CHRNB4: variants seen among roughly 807,000 people sequenced by gnomAD.
The protein encoded by CHRNB4 is neuronal acetylcholine receptor subunit beta-4.
Under a neutral mutation model 40.4 loss-of-function variants are expected in CHRNB4, and 23 were observed. The ratio of observed to expected loss-of-function variants is 0.57; its 90% CI spans 0.41 to 0.81. CHRNB4 has a LOEUF of 0.81. Ranked by LOEUF, CHRNB4 falls within the 30% of genes least tolerant of loss-of-function variation. The pLI, the probability that CHRNB4 is intolerant of heterozygous loss-of-function variation, is 0.00. For synonymous variants in CHRNB4, 285 were observed against 274.4 expected, an observed-to-expected ratio of 1.04 and a Z score of -0.38; for missense variants, 568 against 670.6, an observed-to-expected ratio of 0.85 and a Z score of 1.69.
At chr15:78,631,502 C>T (rs1205153628) in intron 2 of CHRNB4, among the ~76,000 whole-genome samples, 170 bp from the exon 3 acceptor site, 1 of 152,190 alleles carries the variant, frequency 6.6e-6, no homozygotes, top group African/African-American at 2.4e-5. Context: ...TGACACAAAG[C>T]TCATGATCTT....
intron 6 of CHRNB4, among the ~76,000 whole-genome samples, chr15:78,651,757 C>G (rs1842437669): frequency 6.6e-6 from 1 of 152,228 alleles, no homozygotes; most frequent in Non-Finnish European, 1.5e-5. Context: ...GCTCTCTGAG[C>G]CCTGGGAACA....
At chr15:78,648,309 C>CA (rs1461897626) in intron 7 of CHRNB4, among the ~76,000 whole-genome samples, 2 of 148,088 alleles carry the variant, frequency 1.4e-5, no homozygotes, top group African/African-American at 2.5e-5. Flanking sequence ...AGGAGAATGG[C>CA]ATGAACCTGA....
chr15:78,648,927 C>T (rs200277396), intron 7 of CHRNB4, among the ~76,000 whole-genome samples: 2 of 152,072 alleles, frequency 1.3e-5, no homozygotes, highest in East Asian at 3.9e-4. Context: ...CACAACCATG[C>T]CACCACACCT....
At position 78,635,514 on chromosome 15, in the gene CHRNB4, C is replaced by T; in HGVS notation, c.129G>A (p.Leu43=). 6.2e-7 allele frequency: 1 copy of T among 1,614,150 alleles called. No individual in the cohort carries two copies. Among genetic ancestry groups the T allele is most frequent in the Non-Finnish European group, 8.5e-7 (1 of 1,180,032 alleles). ...DLLNKTRYNN[L]IRPATSSSQL... ...GTGAGGAGCTGGTGGCTGGGCGGATCAGGTTATTGTAACGGGTTTTGTTCA... is the reference window on the plus strand; with the variant it reads ...GTGAGGAGCTGGTGGCTGGGCGGATTAGGTTATTGTAACGGGTTTTGTTCA... Residue 43 remains leucine, a synonymous_variant, in exon 2 of 6, where the codon CTG becomes CTA. Transcript: ENST00000261751.
At chr15:78,641,854 A>G (rs1355869155), upstream of CHRNB4, among the ~76,000 whole-genome samples, 1 of 152,206 alleles carries the variant, frequency 6.6e-6, no homozygotes, top group Non-Finnish European at 1.5e-5. Context: ...TGATTCAAGC[A>G]CATCCCTCTA....
chr15:78,648,177 A>C (rs1379980143), intron 7 of CHRNB4, among the ~76,000 whole-genome samples: 1 of 151,944 alleles, frequency 6.6e-6, no homozygotes, highest in East Asian at 1.9e-4. Context: ...GTGGATCACG[A>C]GGTCAGGAGA....
intron 5 of CHRNB4, among the ~76,000 whole-genome samples, chr15:78,654,432 G>A (rs997764334): frequency 4.6e-5 from 7 of 152,192 alleles, no homozygotes; most frequent in African/African-American, 1.4e-4. Flanking sequence ...AGTGTATCAG[G>A]TAAAGCCTGG....
rs1567108054 is a variant in CHRNB4 at position 78,626,369 on chromosome 15, TG to T, written c.1339-1079del. ...GTGTGTGTGTGTGTGTGTGTGTGTG[TG>T]TGTGTGTGTGTGTGTTTCCCCCTTT... On this transcript the variant is annotated intron_variant, in intron 5 of 5. Transcript: ENST00000261751. 2.2e-3 allele frequency: 318 copies of T among 146,132 alleles called. 3 individuals carry two copies. The highest frequency in any genetic ancestry group is 6.0e-3 in the East Asian group (31 of 5,174). The allele number at this position is 146,132 out of a possible 1,614,324, so 9.1% of individuals were successfully genotyped here. A position where few individuals can be genotyped will look rare whatever the true frequency, so the allele number is the denominator to read the frequency against.
At chr15:78,638,075 T>C (rs2141392863) in intron 1 of CHRNB4, among the ~76,000 whole-genome samples, 1 of 152,306 alleles carries the variant, frequency 6.6e-6, no homozygotes, top group Middle Eastern at 3.4e-3. Context: ...GAGGCAGCTC[T>C]GGGGTCAGAA....
Position 78,629,620 on chromosome 15 carries a change from T to C in CHRNB4, c.685A>G (p.Lys229Glu). ...ATGGTGTAGAACAGAGGCTTGCGCT[T>C]GATGATGAAGTCGTAAGTCACGTCC... ...YVDVTYDFIIKRKPLFYTINL... is the reference protein window; with the variant it reads ...YVDVTYDFIIERKPLFYTINL... The change falls in exon 5 of 6, where the codon AAG becomes GAG. Residue 229 changes from lysine (K) to glutamate (E), a missense_variant. Around this residue, in one of 4 missense-constraint regions of CHRNB4, gnomAD observed 127 missense variants for 167.4 expected, o/e 0.76. Transcript: ENST00000261751. This position sits in a 1 kb window ranked among gnomAD's most constrained non-coding sequence, Gnocchi z 6.8. 1 of 1,614,060 alleles carries C rather than the reference T, an allele frequency of 6.2e-7. No individual in the cohort carries two copies. The highest frequency in any genetic ancestry group is 1.6e-4 in the Middle Eastern group (1 of 6,062).
intron 2 of CHRNB4, among the ~76,000 whole-genome samples, chr15:78,657,536 A>T (rs1052724646): frequency 6.6e-6 from 1 of 152,068 alleles, no homozygotes; most frequent in Admixed American, 6.6e-5. Flanking sequence ...CTGTTCCCAT[A>T]ATGCTAGAGG....
chr15:78,629,459 G>A lies in CHRNB4; in HGVS notation c.846C>T (p.Ser282=). 6.2e-7 allele frequency: 1 copy of A among 1,614,162 alleles called. No homozygotes were observed. Among genetic ancestry groups the A allele is most frequent in the Non-Finnish European group, 8.5e-7 (1 of 1,180,028 alleles). The change falls in exon 5 of 6, where the codon TCC becomes TCT. Residue 282 remains serine, a synonymous_variant. Coordinates refer to ENST00000261751, the MANE Select transcript of CHRNB4 (RefSeq NM_000750.5). The surrounding 1 kb of genome is among the most constrained non-coding windows in gnomAD (Gnocchi z 6.8). ...LALTFFLLLI[S]KIVPPTSLDV... ...CGAGGGAGGTGGGTGGCACGATCTT[G>A]GAGATGAGCAGCAGGAAGAATGTCA...
At position 78,641,091 on chromosome 15, in the gene CHRNB4, G is replaced by T. The variant is rs1253565379; in HGVS notation, c.43C>A (p.Leu15Ile). 17 of 1,581,804 alleles carry T rather than the reference G, an allele frequency of 1.1e-5. No homozygotes were observed. Among genetic ancestry groups the T allele is most frequent in the Non-Finnish European group, 1.5e-5 (17 of 1,164,602 alleles). Residue 15 changes from leucine to isoleucine, a missense_variant, in exon 1 of 6, where the codon CTT becomes ATT. Physicochemically the swap from Leu to Ile is conservative, Grantham distance 5 (BLOSUM62 2). Transcript: ENST00000261751. ...GAAAAGAACTCACCGCGCCCGCAAAGGGCGACCAGGAAGAAAAGGACCAGG... is the reference window on the plus strand; with the variant it reads ...GAAAAGAACTCACCGCGCCCGCAAATGGCGACCAGGAAGAAAAGGACCAGG... The part of the protein sequence containing the change: ...PSLVLFFLVA[L>I]CGRGNCRVAN...
At chr15:78,646,073 A>AG (rs11437048), upstream of CHRNB4, among the ~76,000 whole-genome samples, 3 of 151,626 alleles carry the variant, frequency 2.0e-5, no homozygotes, top group East Asian at 5.8e-4. Flanking sequence ...AAAAAAAAAA[A>AG]TGAATGACAT....
Position 78,632,261 on chromosome 15 carries a change from T to C in CHRNB4, c.205-929A>G, listed in dbSNP as rs1240546157. Among the ~76,000 whole-genome samples the C allele has an allele frequency of 9.0e-4, 77 of 85,938 alleles. 1 individual carries two copies. Among genetic ancestry groups the C allele is most frequent in the Middle Eastern group, 7.2e-3 (1 of 138 alleles). 56.4% of individuals were successfully genotyped at this position (85,938 alleles called of 152,430 possible). On this transcript the variant is annotated intron_variant, in intron 2 of 5. Coordinates refer to ENST00000261751, the MANE Select transcript of CHRNB4 (RefSeq NM_000750.5). ...TCTCTCTCTCTCTCTCTCTCTTTCT[T>C]TCTTTCTTTCTTTCTTTCTCCCTTT...
chr15:78,649,758 C>T (rs1019794542), intron 6 of CHRNB4, among the ~76,000 whole-genome samples: 18 of 150,788 alleles, frequency 1.2e-4, no homozygotes, highest in African/African-American at 4.9e-5. Flanking sequence ...TAAAATTGCA[C>T]GAGTGATAAA....
At chr15:78,639,986 T>C (rs1205437877) in intron 1 of CHRNB4, among the ~76,000 whole-genome samples, 1 of 152,204 alleles carries the variant, frequency 6.6e-6, no homozygotes, top group African/African-American at 2.4e-5. Flanking sequence ...CACCTCTTTA[T>C]AGGAGTAGTA....
Position 78,631,103 on chromosome 15 carries a change from C to A in CHRNB4, c.332G>T (p.Trp111Leu), listed in dbSNP as rs1347666357. ...GTTGTAAAGCACGATGTCAGGCAAC[C>A]AGATGCGCTTTGCAGGGATCCTCAG... is the stretch of plus-strand genomic sequence containing the variant. ...NILRIPAKRI[W>L]LPDIVLYNNA... is the part of the protein sequence containing the mutation. The change falls in exon 4 of 6, where the codon TGG (tryptophan) becomes TTG (leucine). Residue 111 changes from tryptophan to leucine, a missense_variant. Physicochemically the swap from Trp to Leu is moderately conservative, Grantham distance 61. This residue lies in a region of CHRNB4 where 161 missense variants were observed against 148.1 expected (regional missense o/e 1.09). Transcript: ENST00000261751. 6.2e-7 allele frequency: 1 copy of A among 1,614,200 alleles called. No individual in the cohort carries two copies. Among genetic ancestry groups the A allele is most frequent in the Non-Finnish European group, 8.5e-7 (1 of 1,180,018 alleles).
chr15:78,655,546 A>G (rs1461614115), exon 5 of CHRNB4: 1 of 149,374 alleles, frequency 6.7e-6, no homozygotes, highest in Non-Finnish European at 1.5e-5. Context: ...GTACTTACCT[A>G]TTGGTCCCAG....
Sources: gnomAD v4.1 joint callset for allele counts (sites outside exome capture counted in the v4.1 genomes callset) on GRCh38, gnomAD v4.1.1 for gene constraint, gnomAD v4.1.1 regional missense constraint, Gnocchi (gnomAD v3.1) non-coding constraint, MANE v1.5 for transcripts, NCBI Gene and HGNC (gene_info 2026-07-23, HGNC 2026-07-21) for gene names.